KDM2B: variants seen among roughly 807,000 people sequenced by gnomAD.
KDM2B encodes lysine-specific demethylase 2B.
A neutral mutation model predicts 150.0 loss-of-function variants in KDM2B; 26 were observed. The ratio of observed to expected loss-of-function variants is 0.17; its 90% CI spans 0.13 to 0.24. The LOEUF is 0.24. Ranked by LOEUF, KDM2B falls within the 10% of genes least tolerant of loss-of-function variation. The pLI, the probability that KDM2B is intolerant of heterozygous loss-of-function variation, is 1.00. For missense variants in KDM2B, 1,265 were observed against 1,816.9 expected, an observed-to-expected ratio of 0.70 and a Z score of 5.52; for synonymous variants, 734 against 729.5, an observed-to-expected ratio of 1.01 and a Z score of -0.10.
chr12:121,492,834 A>AC (rs1883502060), intron 12 of KDM2B, among the ~76,000 whole-genome samples: 1 of 151,322 alleles, frequency 6.6e-6, no homozygotes, highest in African/African-American at 2.4e-5. Context: ...CGTCTCAAAA[A>AC]AAAAAGAAAA....
chr12:121,574,771 A>G (rs548394626), intron 3 of KDM2B, among the ~76,000 whole-genome samples, 178 bp from the exon 4 acceptor site: 19 of 152,266 alleles, frequency 1.2e-4, no homozygotes, highest in African/African-American at 4.3e-4. Flanking sequence ...AGGGAGGGTC[A>G]CCCCAGAACC....
intron 12 of KDM2B, among the ~76,000 whole-genome samples, chr12:121,455,912 G>C (rs528935828): frequency 4.6e-5 from 7 of 152,326 alleles, no homozygotes; most frequent in African/African-American, 1.7e-4. Flanking sequence ...GCACAGAGCA[G>C]ACTGTGAACC....
chr12:121,528,182 C>T (rs1555307145), intron 8 of KDM2B, among the ~76,000 whole-genome samples: 1 of 152,238 alleles, frequency 6.6e-6, no homozygotes, highest in African/African-American at 2.4e-5. Context: ...TTCTACTCCT[C>T]AGTCACCTTC....
intron 10 of KDM2B, among the ~76,000 whole-genome samples, chr12:121,512,896 G>C (rs999600366): frequency 3.9e-5 from 6 of 152,204 alleles, no homozygotes; most frequent in African/African-American, 1.4e-4. Flanking sequence ...CTCTTACATA[G>C]ATAAAAACCC....
At chr12:121,432,182 A>G (rs950980941) in intron 22 of KDM2B, among the ~76,000 whole-genome samples, 1 of 152,006 alleles carries the variant, frequency 6.6e-6, no homozygotes, top group African/African-American at 2.4e-5. Context: ...GTGCCCGGCA[A>G]TAACTCAGTT....
At position 121,455,053 on chromosome 12, in the gene KDM2B, G is replaced by A. The variant is rs74558105; in HGVS notation, c.1735-1709C>T. On this transcript the variant is annotated intron_variant, in intron 12 of 22. Transcript: ENST00000377071. ...CCCTGTAGAAAGCCCGCAGCCTCACGTGCCACCCACTTTGCTGTCAACACC... is the reference window on the plus strand; with the variant it reads ...CCCTGTAGAAAGCCCGCAGCCTCACATGCCACCCACTTTGCTGTCAACACC... Among the ~76,000 whole-genome samples, 1,348 of 152,136 alleles carry A rather than the reference G, an allele frequency of 8.9e-3. 20 individuals carry two copies. Among genetic ancestry groups the A allele is most frequent in the African/African-American group, 0.031 (1,266 of 41,470 alleles).
chr12:121,501,692 C>T (rs1227575742), intron 11 of KDM2B, among the ~76,000 whole-genome samples: 1 of 151,900 alleles, frequency 6.6e-6, no homozygotes, highest in Non-Finnish European at 1.5e-5. Context: ...ACAACCTCAG[C>T]TCACTGCAAC....
At chr12:121,566,985 G>A (rs1555315100) in intron 4 of KDM2B, among the ~76,000 whole-genome samples, 1 of 151,990 alleles carries the variant, frequency 6.6e-6, no homozygotes, top group Non-Finnish European at 1.5e-5. Context: ...AGGTTCAGGT[G>A]ATTCTCCTGC....
At chr12:121,416,088 C>T in the KDM2B span, 1 of 1,250,954 alleles carries the variant, frequency 8.0e-7, no homozygotes, top group East Asian at 2.3e-5. Context: ...TCCAGAATAG[C>T]ATTCCCTGAG....
chr12:121,556,176 C>G (rs538478565), intron 4 of KDM2B, among the ~76,000 whole-genome samples: 23 of 152,228 alleles, frequency 1.5e-4, no homozygotes, highest in African/African-American at 5.5e-4. Flanking sequence ...CTGCCCTCCT[C>G]AGCCTCCCAA....
chr12:121,522,514 C>CA (rs113323793), intron 8 of KDM2B, among the ~76,000 whole-genome samples: 2,355 of 94,078 alleles, frequency 0.025, 63 homozygotes, highest in African/African-American at 0.084. Context: ...AACTCCGTCT[C>CA]AAAAAAAAAA....
At chr12:121,465,603 A>T (rs1410894605) in intron 12 of KDM2B, among the ~76,000 whole-genome samples, 1 of 152,172 alleles carries the variant, frequency 6.6e-6, no homozygotes, top group African/African-American at 2.4e-5. Flanking sequence ...TTAAGCCCAG[A>T]GACACAATAA....
chr12:121,509,939 C>T lies in KDM2B; in HGVS notation c.1275G>A (p.Lys425=). Residue 425 remains lysine, a synonymous_variant, in exon 11 of 23, where the codon AAG becomes AAA. Transcript: ENST00000377071. ...TGTCCCTGCCCTCGCCCTCCTCGTC[C>T]TTCTCCTCCTCCTCCTGAGGCTGCT... ...CDQQPQEEEE[K]DEEGEGRDRA... is the part of the protein sequence containing the mutation. 6.2e-7 allele frequency: 1 copy of T among 1,612,494 alleles called. No individual in the cohort carries two copies.
intron 4 of KDM2B, among the ~76,000 whole-genome samples, chr12:121,566,286 A>G (rs1890700123): frequency 6.6e-6 from 1 of 151,990 alleles, no homozygotes; most frequent in Non-Finnish European, 1.5e-5. Flanking sequence ...CAGGAGTTCA[A>G]GACCAGCCTG....
At chr12:121,566,336 A>C (rs1245265818) in intron 4 of KDM2B, among the ~76,000 whole-genome samples, 9 of 151,946 alleles carry the variant, frequency 5.9e-5, no homozygotes, top group African/African-American at 1.9e-4. Context: ...AAAATACAAA[A>C]ATTGGCTGGG....
the KDM2B span, chr12:121,420,123 C>T: frequency 1.1e-6 from 1 of 900,538 alleles, no homozygotes; most frequent in Non-Finnish European, 1.7e-6. Context: ...CATTCTGAAT[C>T]CAAAGATGTG....
At position 121,509,871 on chromosome 12, in the gene KDM2B, C is replaced by A. The variant is rs1555303629; in HGVS notation, c.1343G>T (p.Ser448Ile). 6.2e-7 allele frequency: 1 copy of A among 1,613,888 alleles called. No homozygotes were observed. Among genetic ancestry groups the A allele is most frequent in the Admixed American group, 1.7e-5 (1 of 59,996 alleles). The change falls in exon 11 of 23, where the codon AGC becomes ATC. Residue 448 changes from serine to isoleucine, a missense_variant. Transcript: ENST00000377071. ...PPTDGSTSPT[S>I]TPSEDQEALG... ...GGCCTCCTGGTCCTCAGAGGGCGTG[C>A]TGGTGGGTGAAGTGGAGCCATCGGT...
At chr12:121,423,319 A>G in the KDM2B span, 1 of 1,340,718 alleles carries the variant, frequency 7.5e-7, no homozygotes, top group Non-Finnish European at 1.0e-6. This position sits in a 1 kb window ranked among gnomAD's most constrained non-coding sequence, Gnocchi z 4.3. Flanking sequence ...TCAGCTTCGG[A>G]CTGGGAGGGT....
At chr12:121,552,825 A>C (rs1889606587) in intron 4 of KDM2B, among the ~76,000 whole-genome samples, 1 of 152,052 alleles carries the variant, frequency 6.6e-6, no homozygotes, top group Non-Finnish European at 1.5e-5. Context: ...TCTTCGCTGG[A>C]TATTCTGGCC....
Sources: allele counts gnomAD v4.1 joint callset (sites outside exome capture counted in the v4.1 genomes callset), GRCh38; gene constraint gnomAD v4.1.1; non-coding constraint Gnocchi (gnomAD v3.1); transcripts MANE v1.5; gene names NCBI Gene and HGNC (gene_info 2026-07-23, HGNC 2026-07-21).